Variants in NOL4 observed in about 807,000 individuals in gnomAD.
NOL4 encodes nucleolar protein 4, also known as cancer/testis antigen 125.
Under a neutral mutation model 75.9 loss-of-function variants are expected in NOL4, and 17 were observed. The observed-to-expected ratio is 0.22, with a 90% confidence interval of 0.15 to 0.34. The LOEUF is 0.34. Among genes scored for constraint, NOL4 ranks in the 10% least tolerant of loss-of-function variants. NOL4 has a pLI of 1.00. For missense variants in NOL4, 614 were observed against 793.5 expected (o/e 0.77, Z 2.72); for synonymous variants, 292 against 289.9 (o/e 1.01, Z -0.07).
At chr18:34,081,425 T>C (rs116321218) in intron 5 of NOL4, among the ~76,000 whole-genome samples, 2,968 of 152,212 alleles carry the variant, frequency 0.019, 94 homozygotes, top group African/African-American at 0.068. Context: ...ACTATCACTA[T>C]TATATAATGT....
chr18:33,903,418 T>G (rs2065854904), intron 9 of NOL4, among the ~76,000 whole-genome samples: 1 of 152,102 alleles, frequency 6.6e-6, no homozygotes, highest in Non-Finnish European at 1.5e-5. Flanking sequence ...AACCAAACCA[T>G]ATCAATACTT....
chr18:34,124,272 G>A (rs574325741), intron 2 of NOL4, among the ~76,000 whole-genome samples: 31 of 152,208 alleles, frequency 2.0e-4, no homozygotes, highest in Admixed American at 1.0e-3. Context: ...ACTAAGATCC[G>A]TGGCAAGAAA....
chr18:34,160,884 T>A (rs920996693), intron 1 of NOL4, among the ~76,000 whole-genome samples: 4 of 152,162 alleles, frequency 2.6e-5, no homozygotes, highest in Non-Finnish European at 1.5e-5. Flanking sequence ...CTAACTATAG[T>A]CACCCTGCAG....
chr18:34,032,533 C>T (rs994670582), intron 5 of NOL4, among the ~76,000 whole-genome samples: 7 of 152,222 alleles, frequency 4.6e-5, no homozygotes, highest in African/African-American at 1.7e-4. Flanking sequence ...GCTACCACCA[C>T]AGCTGGCATC....
At chr18:34,159,680 G>A (rs1426198203) in intron 1 of NOL4, among the ~76,000 whole-genome samples, 1 of 151,992 alleles carries the variant, frequency 6.6e-6, no homozygotes, top group Non-Finnish European at 1.5e-5. Flanking sequence ...GTCCCGACCC[G>A]ACCAACGGCA....
intron 9 of NOL4, among the ~76,000 whole-genome samples, chr18:33,902,705 T>A (rs762931343): frequency 6.6e-6 from 1 of 152,110 alleles, no homozygotes; most frequent in African/African-American, 2.4e-5. Context: ...AAGTTTGACT[T>A]CCAGGTTATC....
chr18:34,120,014 G>A (rs2080064723), intron 2 of NOL4, among the ~76,000 whole-genome samples: 1 of 152,138 alleles, frequency 6.6e-6, no homozygotes, highest in Non-Finnish European at 1.5e-5. Flanking sequence ...GGAGCCAAAC[G>A]TATTACAAAC....
At chr18:33,952,108 T>C (rs2069274075) in intron 8 of NOL4, among the ~76,000 whole-genome samples, 1 of 152,200 alleles carries the variant, frequency 6.6e-6, no homozygotes, top group East Asian at 1.9e-4. Context: ...TTTTAAATTG[T>C]TATATTATAT....
At chr18:34,092,452 CCTCTGTTCTTGGA>C (rs1357782494) in intron 5 of NOL4, among the ~76,000 whole-genome samples, 1 of 152,040 alleles carries the variant, frequency 6.6e-6, no homozygotes, top group Non-Finnish European at 1.5e-5. Context: ...AAGAAAAGCC[CCTCTGTTCTTGGA>C]CGTTTTTTAT....
At chr18:33,961,662 G>A in intron 6 of NOL4, among the ~76,000 whole-genome samples, 1 of 152,010 alleles carries the variant, frequency 6.6e-6, no homozygotes, top group Admixed American at 6.6e-5. Context: ...ACTTCATTAA[G>A]GCTCAGTTAA....
chr18:33,925,356 C>T (rs910791941), intron 9 of NOL4, among the ~76,000 whole-genome samples: 1 of 151,892 alleles, frequency 6.6e-6, no homozygotes, highest in African/African-American at 2.4e-5. Context: ...ATGTAAAGAC[C>T]TATAGAAAGC....
Position 34,077,746 on chromosome 18 carries a change from T to G in NOL4, c.772+15719A>C, listed in dbSNP as rs531118002. ...ATTTAAAATATTTGTAGAAAGGAAATATATTGACAGAAATTTGATATCAGT... is the reference window on the plus strand; with the variant it reads ...ATTTAAAATATTTGTAGAAAGGAAAGATATTGACAGAAATTTGATATCAGT... On this transcript the variant is annotated intron_variant, in intron 5 of 10. Transcript: ENST00000261592. 7.2e-5 allele frequency among the ~76,000 whole-genome samples: 11 copies of G among 152,240 alleles called. 1 individual carries two copies. The South Asian group carries it at 2.1e-3, about 29-fold the overall frequency.
At position 33,958,358 on chromosome 18, in the gene NOL4, C is replaced by CG; in HGVS notation, c.1116_1117insC (p.Ala373ArgfsTer2). ...CCCCTGTTTAGTGAGAGGTCCTCAGCTCCTCGGTCTACACTCTCATTTTTG... is the reference window on the plus strand; with the variant it reads ...CCCCTGTTTAGTGAGAGGTCCTCAGCGTCCTCGGTCTACACTCTCATTTTTG... On this transcript the variant is annotated frameshift_variant, in exon 7 of 11. Transcript: ENST00000261592. LOFTEE classifies it high-confidence loss of function. 1 of 1,613,702 alleles carries CG rather than the reference C, an allele frequency of 6.2e-7. No homozygotes were observed. Among genetic ancestry groups the CG allele is most frequent in the Non-Finnish European group, 8.5e-7 (1 of 1,179,724 alleles).
At chr18:33,879,546 A>G (rs1009960193) in intron 10 of NOL4, among the ~76,000 whole-genome samples, 1 of 151,884 alleles carries the variant, frequency 6.6e-6, no homozygotes, top group East Asian at 1.9e-4. Flanking sequence ...CCCAGCATGG[A>G]GGCATGCACC....
chr18:34,151,920 C>T (rs997730806), intron 1 of NOL4, among the ~76,000 whole-genome samples: 1 of 151,626 alleles, frequency 6.6e-6, no homozygotes, highest in South Asian at 2.1e-4. Flanking sequence ...CTGTCCTGTG[C>T]GGCAACAGAG....
chr18:34,009,143 A>G (rs1252339463), intron 6 of NOL4, among the ~76,000 whole-genome samples: 1 of 151,766 alleles, frequency 6.6e-6, no homozygotes, highest in East Asian at 1.9e-4. Context: ...ATAGATTCCA[A>G]TGGGGTCAGG....
intron 1 of NOL4, among the ~76,000 whole-genome samples, chr18:34,166,276 G>C (rs1157393347): frequency 6.6e-6 from 1 of 152,070 alleles, no homozygotes; most frequent in Non-Finnish European, 1.5e-5. Context: ...TGGAGTCAAA[G>C]TATTTGATGA....
chr18:34,180,762 T>A (rs1259563091), intron 1 of NOL4, among the ~76,000 whole-genome samples: 1 of 151,570 alleles, frequency 6.6e-6, no homozygotes, highest in African/African-American at 2.4e-5. Context: ...TCAATATTTT[T>A]AAAATGTTTC....
chr18:33,882,434 A>G (rs1434383340), intron 10 of NOL4, among the ~76,000 whole-genome samples: 31 of 152,160 alleles, frequency 2.0e-4, no homozygotes, highest in Non-Finnish European at 3.7e-4. Context: ...ACATTTATGC[A>G]GCCAAAAAAC....
Sources: allele counts gnomAD v4.1 joint callset (sites outside exome capture counted in the v4.1 genomes callset), GRCh38; gene constraint gnomAD v4.1.1; transcripts MANE v1.5; gene names NCBI Gene and HGNC (gene_info 2026-07-23, HGNC 2026-07-21).